The following PUS3 variants were observed in gnomAD, a reference collection of about 807,000 sequenced individuals.
PUS3 encodes pseudouridine synthase 3, also known as tRNA pseudouridine(38/39) synthase.
Under a neutral mutation model 43.3 loss-of-function variants are expected in PUS3, and 36 were observed. That is an observed-to-expected ratio of 0.83 (90% CI 0.64 to 1.10). The LOEUF (loss-of-function observed/expected upper bound fraction) is 1.10, where lower values mean the gene tolerates loss of function less well. PUS3 is among the 50% of genes least tolerant of loss of function. The probability of loss-of-function intolerance (pLI) is 0.00; values close to 1 mark genes in which losing one functional copy is unlikely to be tolerated. For synonymous variants in PUS3, 183 were observed against 199.2 expected, an observed-to-expected ratio of 0.92 and a Z score of 0.69; for missense variants, 544 against 589.9, an observed-to-expected ratio of 0.92 and a Z score of 0.81.
intron 1 of PUS3, among the ~76,000 whole-genome samples, chr11:125,902,292 C>T (rs982201673): frequency 2.2e-4 from 34 of 151,180 alleles, no homozygotes; most frequent in East Asian, 5.9e-4. Context: ...AAACGGCCAT[C>T]ACCAGATGTT....
Position 125,893,675 on chromosome 11 carries a change from T to TAAGAGCTGACCATCTGAATTCCTAGTAC in PUS3, c.*109_*110insGTACTAGGAATTCAGATGGTCAGCTCTT. 1 of 795,228 alleles carries TAAGAGCTGACCATCTGAATTCCTAGTAC rather than the reference T, an allele frequency of 1.3e-6. No homozygotes were observed. 49.3% of individuals were successfully genotyped at this position (795,228 alleles called of 1,614,324 possible). On this transcript the variant is annotated 3_prime_UTR_variant, in exon 4 of 4. Coordinates refer to ENST00000227474, the MANE Select transcript of PUS3 (RefSeq NM_031307.4). ...TAGTCTTTTTGCTTTTTTTTTTCTT[T>TAAGAGCTGACCATCTGAATTCCTAGTAC]TAAGAGCTGATCATCTGAATTCCTA...
chr11:125,894,107 G>A lies in PUS3; in HGVS notation c.1124C>T (p.Pro375Leu), dbSNP rs150859450. Residue 375 changes from proline to leucine, a missense_variant, in exon 4 of 4, where the codon CCC becomes CTC. Pro to Leu is a moderately conservative substitution (Grantham distance 98, BLOSUM62 -3). Transcript: ENST00000227474. ...MLQGLDTVPVPCGIGPKMDGM... is the reference protein window; with the variant it reads ...MLQGLDTVPVLCGIGPKMDGM... ...ATCCATCTTTGGTCCTATTCCACAG[G>A]GTACTGGAACAGTGTCCAGTCCTTG... The A allele has an allele frequency of 1.2e-4, 194 of 1,613,924 alleles. No individual in the cohort carries two copies. The highest frequency in any genetic ancestry group is 9.3e-4 in the Admixed American group (56 of 60,004).
intron 1 of PUS3, among the ~76,000 whole-genome samples, chr11:125,902,200 T>G (rs956778051): frequency 2.0e-5 from 3 of 151,920 alleles, no homozygotes; most frequent in Non-Finnish European, 2.9e-5. Flanking sequence ...CAAGCAGACG[T>G]TTAAAGTAAC....
chr11:125,895,487 T>C lies in PUS3; in HGVS notation c.681A>G (p.Lys227=), dbSNP rs75995371. 1.9e-6 allele frequency: 3 copies of C among 1,614,164 alleles called. No homozygotes were observed. In the East Asian group the frequency reaches 6.7e-5, roughly 36 times the overall value. The change falls in exon 3 of 4, where the codon AAA becomes AAG. Residue 227 remains lysine, a synonymous_variant. Coordinates refer to ENST00000227474, the MANE Select transcript of PUS3 (RefSeq NM_031307.4). ...VGTHDFRNLC[K]MDVANGVINF... is the part of the protein sequence containing the mutation. ...TAATCACACCGTTGGCTACATCCAT[T>C]TTACACAAGTTCCTGAAATCATGGG...
rs142255787 is a variant in PUS3, at chr11:125,899,785, G to T, written c.-47+3385C>A. On this transcript the variant is annotated intron_variant, in intron 1 of 3. Transcript: ENST00000227474. Reference sequence around the variant, plus strand: ...TAAGACAAAGGCTGATGAATGTACAGTTCCAGGAAGACAAGGAATCTTCAT... The same window carrying T: ...TAAGACAAAGGCTGATGAATGTACATTTCCAGGAAGACAAGGAATCTTCAT... 112 of 1,614,072 alleles carry T rather than the reference G, an allele frequency of 6.9e-5. No individual in the cohort carries two copies. The highest frequency in any genetic ancestry group is 8.6e-5 in the Non-Finnish European group (102 of 1,180,020).
At chr11:125,900,178 GA>G in intron 1 of PUS3, 1 of 1,614,184 alleles carries the variant, frequency 6.2e-7, no homozygotes, top group Non-Finnish European at 8.5e-7. Flanking sequence ...CAACAGAGAA[GA>G]AAAGGTCTGC....
intron 1 of PUS3, chr11:125,900,643 T>C (rs1944744325): frequency 3.8e-6 from 1 of 265,414 alleles, no homozygotes; most frequent in South Asian, 4.7e-5. Context: ...ATTTTGGAAA[T>C]TCATGAACTT....
chr11:125,900,038 G>C, intron 1 of PUS3: 2 of 1,614,212 alleles, frequency 1.2e-6, no homozygotes, highest in Non-Finnish European at 1.7e-6. Context: ...ACGGGACTGG[G>C]ACTCAATACG....
chr11:125,902,384 A>AGGGGGGGGGGGGGGGGGGGGGGG (rs1022103014), intron 1 of PUS3, among the ~76,000 whole-genome samples: 6 of 39,458 alleles, frequency 1.5e-4, no homozygotes, highest in African/African-American at 4.8e-4. Flanking sequence ...GGCGGGGGGG[A>AGGGGGGGGGGGGGGGGGGGGGGG]GGGGGGGTCG....
chr11:125,899,692 A>T, intron 1 of PUS3: 2 of 1,614,228 alleles, frequency 1.2e-6, no homozygotes, highest in Non-Finnish European at 1.7e-6. Flanking sequence ...GGGAAGTATT[A>T]GTAACAGATG....
At chr11:125,895,197 G>A in intron 3 of PUS3, 27 bp downstream of exon 3, 1 of 1,521,086 alleles carries the variant, frequency 6.6e-7, no homozygotes, top group Non-Finnish European at 8.8e-7. Flanking sequence ...ACAGGCATGT[G>A]CCATTTATTT....
rs1456489100 is a variant in PUS3 at position 125,894,086 on chromosome 11, A to G, written c.1145T>C (p.Met382Thr). The change falls in exon 4 of 4, where the codon ATG becomes ACG. Residue 382 changes from methionine to threonine, a missense_variant. Physicochemically the swap from Met to Thr is moderately conservative, Grantham distance 81. Transcript: ENST00000227474. The part of the protein sequence containing the change: ...VPVPCGIGPK[M>T]DGMTEWGNVK... ...ATTTCCCCATTCTGTCATTCCATCC[A>G]TCTTTGGTCCTATTCCACAGGGTAC... 1 of 1,614,100 alleles carries G rather than the reference A, an allele frequency of 6.2e-7. No individual in the cohort carries two copies. Among genetic ancestry groups the G allele is most frequent in the South Asian group, 1.1e-5 (1 of 91,076 alleles).
rs1944474088 is a variant in PUS3 at position 125,893,612 on chromosome 11, A to G, written c.*173T>C. 1.9e-6 allele frequency: 1 copy of G among 538,952 alleles called. No individual in the cohort carries two copies. Among genetic ancestry groups the G allele is most frequent in the South Asian group, 3.5e-5 (1 of 28,464 alleles). 33.4% of individuals were successfully genotyped at this position (538,952 alleles called of 1,614,324 possible). ...TGGACCGGGATAAGAGAATATTTGA[A>G]ATTTCTTATTAAAGCAATAACTTCC... On this transcript the variant is annotated 3_prime_UTR_variant, in exon 4 of 4. Transcript: ENST00000227474.
chr11:125,895,654 T>C lies in PUS3; in HGVS notation c.514A>G (p.Ile172Val). Residue 172 changes from isoleucine (I) to valine (V), a missense_variant, in exon 3 of 4, where the codon ATC becomes GTC. Coordinates refer to ENST00000227474, the MANE Select transcript of PUS3 (RefSeq NM_031307.4). ...HILNRVLPPD[I>V]RILAWAPVEP... ...ACAGGGGCCCAGGCCAATATACGGA[T>C]GTCTGGAGGGAGTACCCGATTGAGA... is the stretch of plus-strand genomic sequence containing the variant. 2 of 1,614,210 alleles carry C rather than the reference T, an allele frequency of 1.2e-6. No individual in the cohort carries two copies. Among genetic ancestry groups the C allele is most frequent in the Non-Finnish European group, 1.7e-6 (2 of 1,180,034 alleles).
intron 1 of PUS3, chr11:125,899,900 G>A: frequency 1.9e-6 from 3 of 1,614,140 alleles, no homozygotes; most frequent in Non-Finnish European, 2.5e-6. Context: ...AGAAGGAATG[G>A]GCTCTCCAGC....
At chr11:125,900,756 A>G (rs1944747389) in intron 1 of PUS3, 1 of 168,974 alleles carries the variant, frequency 5.9e-6, no homozygotes, top group African/African-American at 2.4e-5. Context: ...CACGCCTGTA[A>G]TCCCAGCACT....
chr11:125,895,653 A>C lies in PUS3; in HGVS notation c.515T>G (p.Ile172Ser). Residue 172 changes from isoleucine to serine, a missense_variant, in exon 3 of 4, where the codon ATC (isoleucine) becomes AGC (serine). Physicochemically the swap from Ile to Ser is moderately radical, Grantham distance 142. Transcript: ENST00000227474. ...TACAGGGGCCCAGGCCAATATACGG[A>C]TGTCTGGAGGGAGTACCCGATTGAG... ...HILNRVLPPD[I>S]RILAWAPVEP... The C allele has an allele frequency of 6.2e-7, 1 of 1,614,202 alleles. No individual in the cohort carries two copies. Among genetic ancestry groups the C allele is most frequent in the South Asian group, 1.1e-5 (1 of 91,084 alleles).
chr11:125,900,373 A>C, intron 1 of PUS3: 2 of 1,093,326 alleles, frequency 1.8e-6, no homozygotes, highest in Non-Finnish European at 2.8e-6. Context: ...GAAACATTTT[A>C]TGGTAAGGAC....
At chr11:125,902,433 G>A (rs1039558051) in intron 1 of PUS3, among the ~76,000 whole-genome samples, 21 of 152,070 alleles carry the variant, frequency 1.4e-4, no homozygotes, top group African/African-American at 4.6e-4. Context: ...GGGCAACACA[G>A]CGAGACCGTG....
Sources: gnomAD v4.1 joint callset for allele counts (sites outside exome capture counted in the v4.1 genomes callset) on GRCh38, gnomAD v4.1.1 for gene constraint, MANE v1.5 for transcripts, NCBI Gene and HGNC (gene_info 2026-07-23, HGNC 2026-07-21) for gene names.